Variants in TTN observed in about 807,000 individuals in gnomAD.
The protein encoded by TTN is titin.
A neutral mutation model predicts 3,223.0 loss-of-function variants in TTN; 1,525 were observed. That is an observed-to-expected ratio of 0.47 (90% CI 0.45 to 0.49). The LOEUF is 0.49. Ranked by LOEUF, TTN falls within the 20% of genes least tolerant of loss-of-function variation. The pLI is 0.00. For missense variants in TTN, 40,786 were observed against 43,424.0 expected (o/e 0.94, Z 5.40); for synonymous variants, 14,094 against 15,161.0 (o/e 0.93, Z 5.17).
At chr2:178,786,645 G>A (rs1033321917) in intron 13 of TTN, among the ~76,000 whole-genome samples, 2 of 152,142 alleles carry the variant, frequency 1.3e-5, no homozygotes, top group Non-Finnish European at 2.9e-5. Flanking sequence ...ATGCAAATCG[G>A]ACATAACATG....
chr2:178,539,996 C>T (rs1448154221), intron 351 of TTN, 30 bp from the exon 352 acceptor site: 8 of 1,607,204 alleles, frequency 5.0e-6, no homozygotes, highest in Non-Finnish European at 6.8e-6. Context: ...TTCAATTTAG[C>T]ATTTGGGGTA....
In TTN at chr2:178,565,413, G is replaced by A; in HGVS notation, c.80719C>T (p.Pro26907Ser). ...TTGACCCAAGAAATGTTAGGTCTTG[G>A]TCGGCCTATAACTGGAATTTCTATT... The part of the protein sequence containing the change: ...LKIEIPVIGR[P>S]RPNISWVKDG... The change falls in exon 326 of 363, where the codon CCA becomes TCA. Residue 26907 changes from proline (P) to serine (S), a missense_variant. Coordinates refer to ENST00000589042, the MANE Select transcript of TTN (RefSeq NM_001267550.2). 1.2e-6 allele frequency: 2 copies of A among 1,613,434 alleles called. No homozygotes were observed. Among genetic ancestry groups the A allele is most frequent in the Non-Finnish European group, 1.7e-6 (2 of 1,179,634 alleles).
rs1476549808 is a variant in TTN at position 178,616,649 on chromosome 2, A to G, written c.48161-19T>C. On this transcript the variant is annotated intron_variant, in intron 256 of 362. Coordinates refer to ENST00000589042, the MANE Select transcript of TTN (RefSeq NM_001267550.2). ...GGGCGAGCTGAAAAAAAATGCACTC[A>G]CGAGTCACTGTTAATAGTCTGAACT... 5.6e-6 allele frequency: 9 copies of G among 1,612,124 alleles called. No individual in the cohort carries two copies. Among genetic ancestry groups the G allele is most frequent in the East Asian group, 4.5e-5 (2 of 44,628 alleles).
At position 178,575,971 on chromosome 2, in the gene TTN, G is replaced by T; in HGVS notation, c.70161C>A (p.Asn23387Lys). ...ATTCCGTATTTTCAATGTTGGCTCG[G>T]TTTTTCAGGTTGATGTTATCTTTGG... ...TWTKDNINLK[N>K]RANIENTESF... Residue 23387 changes from asparagine to lysine, a missense_variant, in exon 326 of 363, where the codon AAC becomes AAA. Physicochemically the swap from Asn to Lys is moderately conservative, Grantham distance 94. Transcript: ENST00000589042. This position sits in a 1 kb window ranked among gnomAD's most constrained non-coding sequence, Gnocchi z 4.0. 3 of 1,611,452 alleles carry T rather than the reference G, an allele frequency of 1.9e-6. No individual in the cohort carries two copies. The South Asian group carries it at 3.3e-5, about 18-fold the overall frequency.
rs1188261866 is a variant in TTN at position 178,574,248 on chromosome 2, C to G, written c.71884G>C (p.Glu23962Gln). The change falls in exon 326 of 363, where the codon GAA becomes CAA. Residue 23962 changes from glutamate to glutamine, a missense_variant. By Grantham distance (29) the Glu-to-Gln change is conservative (BLOSUM62 2). Coordinates refer to ENST00000589042, the MANE Select transcript of TTN (RefSeq NM_001267550.2). ...GGFKITSYIV[E>Q]KRDLPNGRWL... ...CGTCCATTAGGAAGGTCTCTCTTTT[C>G]AACGATATAACTGGTAATTTTAAAG... is the stretch of plus-strand genomic sequence containing the variant. The G allele has an allele frequency of 6.2e-7, 1 of 1,613,152 alleles. No individual in the cohort carries two copies. Among genetic ancestry groups the G allele is most frequent in the Non-Finnish European group, 8.5e-7 (1 of 1,179,378 alleles).
chr2:178,777,892 C>T lies in TTN; in HGVS notation c.4292G>A (p.Arg1431Gln), dbSNP rs373690688. 91 of 1,613,726 alleles carry T rather than the reference C, an allele frequency of 5.6e-5. No homozygotes were observed. Among genetic ancestry groups the T allele is most frequent in the South Asian group, 1.8e-4 (16 of 91,076 alleles). ...RMSPARMSPARMSPARMSPGR... is the reference protein window; with the variant it reads ...RMSPARMSPAQMSPARMSPGR... ...AGGGGACATTCTTGCAGGGGACATC[C>T]GTGCAGGAGACATCCTTGCAGGTGA... Residue 1431 changes from arginine (R) to glutamine (Q), a missense_variant, in exon 25 of 363, where the codon CGG (arginine) becomes CAG (glutamine). Physicochemically the swap from Arg to Gln is conservative, Grantham distance 43. Transcript: ENST00000589042.
chr2:178,571,503 A>G lies in TTN; in HGVS notation c.74629T>C (p.Cys24877Arg). Reference sequence around the variant, plus strand: ...GCTGCAATTCTAAACTGATATTCACATCCAGTCTTCAGTCTGCAAGCCTTT... The same window carrying G: ...GCTGCAATTCTAAACTGATATTCACGTCCAGTCTTCAGTCTGCAAGCCTTT... ...TIKACRLKTG[C>R]EYQFRIAAEN... The change falls in exon 326 of 363, where the codon TGT (cysteine) becomes CGT (arginine). Residue 24877 changes from cysteine (C) to arginine (R), a missense_variant. Transcript: ENST00000589042. 3 of 1,613,290 alleles carry G rather than the reference A, an allele frequency of 1.9e-6. No individual in the cohort carries two copies. The highest frequency in any genetic ancestry group is 2.5e-6 in the Non-Finnish European group (3 of 1,179,570).
In TTN at chr2:178,732,756, A is replaced by G. The variant is rs549433043; in HGVS notation, c.16343-38T>C. On this transcript the variant is annotated intron_variant, in intron 55 of 362. Transcript: ENST00000589042. ...TATAAGAAAGAATTTCAAAGAGTTA[A>G]GAGGGTTGATCTAAGGGAAGATGAC... 43 of 1,564,504 alleles carry G rather than the reference A, an allele frequency of 2.7e-5. No individual in the cohort carries two copies. The East Asian group carries it at 9.7e-4, about 35-fold the overall frequency.
chr2:178,590,440 G>A lies in TTN; in HGVS notation c.61285C>T (p.Gln20429Ter). ...NRINKDELIR[Q>*]CAFRVPGLIE... The stretch of plus-strand genomic sequence containing the variant: ...AGTCCAGGTACCCTAAAGGCACATT[G>A]CCTAATGAGTTCATCTTTATTAATC... Residue 20429 changes from glutamine to a stop codon, truncating the protein, a stop_gained, in exon 304 of 363, where the codon CAA (glutamine) becomes TAA (stop). Coordinates refer to ENST00000589042, the MANE Select transcript of TTN (RefSeq NM_001267550.2). LOFTEE classifies it high-confidence loss of function. The A allele has an allele frequency of 6.2e-7, 1 of 1,612,816 alleles. No individual in the cohort carries two copies. The highest frequency in any genetic ancestry group is 2.2e-5 in the East Asian group (1 of 44,742).
rs965795447 is a variant in TTN, at chr2:178,554,638, A to G, written c.88709T>C (p.Ile29570Thr). The G allele has an allele frequency of 2.5e-6, 4 of 1,613,744 alleles. No individual in the cohort carries two copies. The African/African-American group carries it at 5.3e-5, about 22-fold the overall frequency. Reference sequence around the variant, plus strand: ...GCGGCTTGTCTCACGCTTTTCCACAATGTAGTGAGTGATTTTTGCACCACC... The same window carrying G: ...GCGGCTTGTCTCACGCTTTTCCACAGTGTAGTGAGTGATTTTTGCACCACC... The part of the protein sequence containing the change: ...DDGGAKITHY[I>T]VEKRETSRVV... The change falls in exon 332 of 363, where the codon ATT becomes ACT. Residue 29570 changes from isoleucine (I) to threonine (T), a missense_variant. Transcript: ENST00000589042.
chr2:178,615,105 T>A (rs2057086879), intron 259 of TTN, 137 bp from the exon 260 acceptor site: 14 of 993,202 alleles, frequency 1.4e-5, no homozygotes, highest in Middle Eastern at 3.1e-4. Context: ...TTCAACACTA[T>A]AACTGAATAC....
Position 178,803,666 on chromosome 2 carries a change from A to G in TTN, c.91+886T>C, listed in dbSNP as rs1337414769. Among the ~76,000 whole-genome samples the G allele has an allele frequency of 2.0e-5, 3 of 152,058 alleles. No homozygotes were observed. The East Asian group carries it at 5.8e-4, about 29-fold the overall frequency. ...ATAAAATTTTAAAAAAGAAGTGGGC[A>G]ATGAACCATGGAAGTGCACTAAATT... is the stretch of plus-strand genomic sequence containing the variant. On this transcript the variant is annotated intron_variant, in intron 2 of 362. Transcript: ENST00000589042.
rs2091784595 is a variant in TTN at position 178,773,168 on chromosome 2, T to C, written c.7796A>G (p.Glu2599Gly). The C allele has an allele frequency of 1.9e-6, 3 of 1,613,692 alleles. No individual in the cohort carries two copies. The highest frequency in any genetic ancestry group is 2.5e-6 in the Non-Finnish European group (3 of 1,179,896). The stretch of plus-strand genomic sequence containing the variant: ...TCCCGCGTAAAATGTGTATTTTCCT[T>C]CATCATCTTTCATCATATTTAGAAC... ...LTVLNMMKDD[E>G]GKYTFYAGEN... Residue 2599 changes from glutamate (E) to glycine (G), a missense_variant, in exon 33 of 363, where the codon GAA (glutamate) becomes GGA (glycine). Coordinates refer to ENST00000589042, the MANE Select transcript of TTN (RefSeq NM_001267550.2).
chr2:178,625,136 A>T (rs898919866), intron 241 of TTN, 137 bp downstream of exon 241: 2 of 1,290,104 alleles, frequency 1.6e-6, no homozygotes, highest in Non-Finnish European at 2.1e-6. Flanking sequence ...TTGTTATGCT[A>T]AAAAGTAAAA....
intron 40 of TTN, 140 bp from the exon 41 acceptor site, chr2:178,766,752 T>C: frequency 2.9e-6 from 2 of 688,598 alleles, no homozygotes; most frequent in Non-Finnish European, 5.0e-6. Flanking sequence ...AGTTGGCTGA[T>C]TATAGCACTC....
chr2:178,632,270 C>G lies in TTN; in HGVS notation c.43624G>C (p.Val14542Leu). Reference sequence around the variant, plus strand: ...GTTTTCCCTTCGTCTTGCATTGAGACCGACCTGGTGGTGTGTAGGCGCTGG... The same window carrying G: ...GTTTTCCCTTCGTCTTGCATTGAGAGCGACCTGGTGGTGTGTAGGCGCTGG... Reference protein sequence around the residue: ...NDQRLHTTRSVSMQDEGKTHS... With the variant: ...NDQRLHTTRSLSMQDEGKTHS... Residue 14542 changes from valine to leucine, a missense_variant, in exon 236 of 363, where the codon GTC (valine) becomes CTC (leucine). Transcript: ENST00000589042. 1 of 1,609,584 alleles carries G rather than the reference C, an allele frequency of 6.2e-7. No homozygotes were observed.
At chr2:178,733,920 C>A in intron 52 of TTN, 28 bp from the exon 53 acceptor site, 1 of 1,537,396 alleles carries the variant, frequency 6.5e-7, no homozygotes, top group South Asian at 1.3e-5. Context: ...GCATATAAAA[C>A]ATATCAATTC....
rs768895590 is a variant in TTN, at chr2:178,799,659, G to T, written c.742C>A (p.Gln248Lys). 1 of 1,614,142 alleles carries T rather than the reference G, an allele frequency of 6.2e-7. No individual in the cohort carries two copies. Among genetic ancestry groups the T allele is most frequent in the South Asian group, 1.1e-5 (1 of 91,082 alleles). Reference sequence around the variant, plus strand: ...CTGGGAGGTGTTTTATGTGGCAGCTGTTGCCCAGCGGCACCATCTATGACC... The same window carrying T: ...CTGGGAGGTGTTTTATGTGGCAGCTTTTGCCCAGCGGCACCATCTATGACC... Reference protein sequence around the residue: ...EMVIDGAAGQQLPHKTPPRIP... With the variant: ...EMVIDGAAGQKLPHKTPPRIP... Residue 248 changes from glutamine (Q) to lysine (K), a missense_variant, in exon 6 of 363, where the codon CAG becomes AAG. Gln to Lys is a moderately conservative substitution (Grantham distance 53). Coordinates refer to ENST00000589042, the MANE Select transcript of TTN (RefSeq NM_001267550.2).
At chr2:178,665,330 AG>A (rs1391031191) in intron 165 of TTN, 46 bp downstream of exon 165, 1 of 1,510,070 alleles carries the variant, frequency 6.6e-7, no homozygotes, top group Non-Finnish European at 9.2e-7. Flanking sequence ...TTTTAAGAGC[AG>A]AGGACAGATA....
Sources: gnomAD v4.1 joint callset for allele counts (sites outside exome capture counted in the v4.1 genomes callset) on GRCh38, gnomAD v4.1.1 for gene constraint, Gnocchi (gnomAD v3.1) non-coding constraint, MANE v1.5 for transcripts, NCBI Gene and HGNC (gene_info 2026-07-23, HGNC 2026-07-21) for gene names.